The following KLRG1 variants were observed in gnomAD, a reference collection of about 807,000 sequenced individuals.
The protein encoded by KLRG1 is killer cell lectin like receptor G1.
KLRG1 carries 16 observed loss-of-function variants against 21.8 expected under a neutral mutation model. That is an observed-to-expected ratio of 0.73 (90% CI 0.50 to 1.11). KLRG1 has a LOEUF of 1.11. Among genes scored for constraint, KLRG1 ranks in the 50% most tolerant of loss-of-function variants. The pLI is 0.00. For missense variants in KLRG1, 173 were observed against 218.3 expected (o/e 0.79, Z 1.31); for synonymous variants, 69 against 75.9 (o/e 0.91, Z 0.47).
At chr12:8,985,171 GTT>G (rs35689537), upstream of KLRG1, among the ~76,000 whole-genome samples, 36 of 145,192 alleles carry the variant, frequency 2.5e-4, no homozygotes, top group African/African-American at 4.3e-4. Context: ...GTTTCTCAGT[GTT>G]TTTTTTTTTT....
At chr12:9,166,149 C>T in the KLRG1 span, 6 of 1,613,928 alleles carry the variant, frequency 3.7e-6, no homozygotes, top group Admixed American at 1.7e-5. Flanking sequence ...AAGGGTATCA[C>T]ATTATATGTG....
intron 1 of KLRG1, among the ~76,000 whole-genome samples, chr12:8,958,691 A>G (rs1946334682): frequency 6.6e-6 from 1 of 152,052 alleles, no homozygotes; most frequent in Non-Finnish European, 1.5e-5. Context: ...CTCTGTCTCT[A>G]CAAAAAAACC....
At chr12:9,000,135 G>T (rs1241041901) in intron 3 of KLRG1, among the ~76,000 whole-genome samples, 1 of 152,156 alleles carries the variant, frequency 6.6e-6, no homozygotes, top group African/African-American at 2.4e-5. Flanking sequence ...AGTAAAATAT[G>T]CATCACAGAG....
At chr12:9,202,600 T>C in the KLRG1 span, 2 of 1,614,130 alleles carry the variant, frequency 1.2e-6, no homozygotes, top group Non-Finnish European at 1.7e-6. Flanking sequence ...ACCAGAACTG[T>C]GTTCCTCTTC....
chr12:9,031,962 G>C, the KLRG1 span, among the ~76,000 whole-genome samples: 5 of 152,164 alleles, frequency 3.3e-5, no homozygotes, highest in African/African-American at 1.2e-4. Flanking sequence ...TGTTGGCAGG[G>C]ATGGTTCCTT....
At chr12:9,022,302 G>A in the KLRG1 span, among the ~76,000 whole-genome samples, 1 of 152,208 alleles carries the variant, frequency 6.6e-6, no homozygotes, top group Non-Finnish European at 1.5e-5. Flanking sequence ...GAGTGTTTGT[G>A]CAGTGTCTTG....
chr12:9,159,381 C>T, the KLRG1 span, among the ~76,000 whole-genome samples: 1 of 152,112 alleles, frequency 6.6e-6, no homozygotes, highest in African/African-American at 2.4e-5. Context: ...TCTCACTTCC[C>T]AGGGTAGCTA....
At chr12:9,160,923 A>G in the KLRG1 span, 1 of 955,752 alleles carries the variant, frequency 1.0e-6, no homozygotes, top group Non-Finnish European at 1.6e-6. Flanking sequence ...TCAAAAAAAT[A>G]AAAAAGAATA....
chr12:8,955,691 C>CT (rs1457504930), intron 1 of KLRG1, among the ~76,000 whole-genome samples: 1 of 151,964 alleles, frequency 6.6e-6, no homozygotes, highest in East Asian at 1.9e-4. Context: ...CAAGCCTGGT[C>CT]TTTTGAATTT....
At chr12:9,163,284 C>G in the KLRG1 span, among the ~76,000 whole-genome samples, 1 of 96,664 alleles carries the variant, frequency 1.0e-5, no homozygotes, top group Middle Eastern at 4.2e-3. Context: ...AACCCCGTCT[C>G]TACTAAAAAT....
chr12:8,978,253 A>C (rs1157921024), intron 1 of KLRG1, among the ~76,000 whole-genome samples: 1 of 152,172 alleles, frequency 6.6e-6, no homozygotes, highest in African/African-American at 2.4e-5. Context: ...TTCCTTGAGC[A>C]TCTCTTGTAA....
chr12:9,088,165 C>T, the KLRG1 span, among the ~76,000 whole-genome samples: 58 of 151,624 alleles, frequency 3.8e-4, no homozygotes, highest in Non-Finnish European at 7.1e-4. Context: ...CAAACATATA[C>T]ATCTACACAC....
At chr12:9,111,545 C>G in the KLRG1 span, 1 of 456,276 alleles carries the variant, frequency 2.2e-6, no homozygotes, top group South Asian at 1.6e-5. Context: ...ACATGATTTT[C>G]CAGTGAAGTG....
At chr12:8,969,654 A>G (rs1322871737) in intron 1 of KLRG1, among the ~76,000 whole-genome samples, 2 of 152,222 alleles carry the variant, frequency 1.3e-5, no homozygotes, top group South Asian at 2.1e-4. Context: ...CAAGACATCA[A>G]TGGAATAGAA....
At chr12:9,176,030 T>C in the KLRG1 span, among the ~76,000 whole-genome samples, 1 of 152,198 alleles carries the variant, frequency 6.6e-6, no homozygotes, top group Admixed American at 6.5e-5. Context: ...GCAGCACTAT[T>C]CACGATAGCA....
chr12:9,072,319 G>A, the KLRG1 span: 2 of 1,605,132 alleles, frequency 1.2e-6, no homozygotes, highest in Non-Finnish European at 8.5e-7. Flanking sequence ...AAGACTGGTG[G>A]TTATTCTTAG....
the KLRG1 span, chr12:9,112,106 T>G: frequency 6.4e-7 from 1 of 1,570,816 alleles, no homozygotes; most frequent in Non-Finnish European, 8.8e-7. Context: ...AAAAAACAGG[T>G]TCCCAGCCTG....
chr12:9,089,293 CTTCAGAACATGTGT>C, the KLRG1 span: 1 of 1,391,514 alleles, frequency 7.2e-7, no homozygotes, highest in Non-Finnish European at 1.0e-6. Context: ...ATGGACTGAC[CTTCAGAACATGTGT>C]TTTAATGGAG....
the KLRG1 span, chr12:9,196,654 A>T: frequency 6.8e-6 from 11 of 1,613,296 alleles, no homozygotes; most frequent in African/African-American, 1.5e-4. Context: ...TTTGGTGTGT[A>T]CTTGTTGGGT....
Sources: allele counts gnomAD v4.1 joint callset (sites outside exome capture counted in the v4.1 genomes callset), GRCh38; gene constraint gnomAD v4.1.1; transcripts MANE v1.5; gene names NCBI Gene and HGNC (gene_info 2026-07-23, HGNC 2026-07-21).